The following POLN variants were observed in gnomAD, a reference collection of about 807,000 sequenced individuals.
The protein encoded by POLN is DNA polymerase nu, also known as DNA polymerase N.
In POLN, 108 loss-of-function variants were observed where a neutral mutation model predicts 113.5. The observed-to-expected ratio is 0.95, with a 90% CI of 0.81 to 1.12. The LOEUF (loss-of-function observed/expected upper bound fraction) is 1.12. Ranked by LOEUF, POLN falls within the 50% of genes most tolerant of loss-of-function variation. The pLI is 0.00. For synonymous variants in POLN, 386 were observed against 391.5 expected (o/e 0.99, Z 0.17); for missense variants, 1,097 against 1,077.1 (o/e 1.02, Z -0.26).
At position 2,208,372 on chromosome 4, in the gene POLN, C is replaced by T. The variant is rs1366539074; in HGVS notation, c.329G>A (p.Ser110Asn). The T allele has an allele frequency of 1.2e-6, 2 of 1,613,548 alleles. No homozygotes were observed. The highest frequency in any genetic ancestry group is 8.5e-7 in the Non-Finnish European group (1 of 1,179,930). Reference protein sequence around the residue: ...LSADQKQKSISSLTLSSCLIP... With the variant: ...LSADQKQKSINSLTLSSCLIP... ...TAAACAACTTGAAAGAGTCAATGAGCTGATGCTCTTCTGTTTTTGGTCAGC... is the reference window on the plus strand; with the variant it reads ...TAAACAACTTGAAAGAGTCAATGAGTTGATGCTCTTCTGTTTTTGGTCAGC... The change falls in exon 5 of 26, where the codon AGC becomes AAC. Residue 110 changes from serine to asparagine, a missense_variant. Coordinates refer to ENST00000511885, the MANE Select transcript of POLN (RefSeq NM_181808.4).
chr4:2,138,412 C>T (rs1221958156), intron 16 of POLN, among the ~76,000 whole-genome samples: 1 of 152,062 alleles, frequency 6.6e-6, no homozygotes, highest in Non-Finnish European at 1.5e-5. Flanking sequence ...GGGATGAGAG[C>T]AGGAAGGTGG....
At chr4:2,203,310 G>A (rs541123137) in intron 5 of POLN, among the ~76,000 whole-genome samples, 14 of 152,002 alleles carry the variant, frequency 9.2e-5, no homozygotes, top group Non-Finnish European at 1.5e-4. Flanking sequence ...GGCCGGGCGC[G>A]GTGGTTCACG....
chr4:2,174,974 C>T (rs571949299), intron 9 of POLN, among the ~76,000 whole-genome samples: 2 of 152,036 alleles, frequency 1.3e-5, no homozygotes, highest in Non-Finnish European at 2.9e-5. Context: ...AGGCACCCCC[C>T]ACCATGCCAG....
chr4:2,214,228 T>A (rs1180632082), intron 3 of POLN, among the ~76,000 whole-genome samples: 1 of 151,572 alleles, frequency 6.6e-6, no homozygotes, highest in Non-Finnish European at 1.5e-5. Context: ...AGGGCAAGAC[T>A]CTGTCCTGGG....
intron 13 of POLN, among the ~76,000 whole-genome samples, chr4:2,169,757 C>G (rs914397392): frequency 3.9e-5 from 6 of 152,252 alleles, no homozygotes; most frequent in African/African-American, 1.4e-4. Context: ...CTACTCTGTA[C>G]TGGCTCCCAA....
At chr4:2,145,513 T>C (rs150142478) in intron 16 of POLN, among the ~76,000 whole-genome samples, 25 of 152,314 alleles carry the variant, frequency 1.6e-4, no homozygotes, top group African/African-American at 2.2e-4. Context: ...AAGTGAGTCA[T>C]TGAAAAAATT....
At chr4:2,203,870 G>A (rs1317920931) in intron 5 of POLN, among the ~76,000 whole-genome samples, 1 of 152,072 alleles carries the variant, frequency 6.6e-6, no homozygotes, top group African/African-American at 2.4e-5. Context: ...AGCACTTTGG[G>A]CGGCAGAGGA....
chr4:2,084,862 T>C (rs1209713682), intron 21 of POLN, among the ~76,000 whole-genome samples: 1 of 152,242 alleles, frequency 6.6e-6, no homozygotes, highest in Non-Finnish European at 1.5e-5. Flanking sequence ...CTCTTTGTTG[T>C]TGATTTCATT....
chr4:2,136,988 C>T (rs1336273688), intron 16 of POLN, among the ~76,000 whole-genome samples: 2 of 152,122 alleles, frequency 1.3e-5, no homozygotes, highest in African/African-American at 4.8e-5. Flanking sequence ...CTGTGTGAGG[C>T]ACCTGAGAGG....
intron 13 of POLN, among the ~76,000 whole-genome samples, chr4:2,170,374 G>A (rs35146593): frequency 6.6e-6 from 1 of 152,264 alleles, no homozygotes; most frequent in East Asian, 1.9e-4. Flanking sequence ...TTCCTCTTGG[G>A]GACACGAAGC....
chr4:2,133,524 T>C (rs1399570881), intron 16 of POLN, among the ~76,000 whole-genome samples: 2 of 152,222 alleles, frequency 1.3e-5, no homozygotes, highest in Non-Finnish European at 2.9e-5. Context: ...GCAACATGGA[T>C]AAGCCTGGAG....
rs921937478 is a variant in POLN at position 2,137,963 on chromosome 4, C to T, written c.1732-6673G>A. 2.6e-5 allele frequency among the ~76,000 whole-genome samples: 4 copies of T among 152,200 alleles called. No individual in the cohort carries two copies. The South Asian group carries it at 6.2e-4, about 24-fold the overall frequency. ...AAATGATTCTCCTGCCTCAGCCTCC[C>T]GAGTAGCTGGGATTATAGGTGTACG... On this transcript the variant is annotated intron_variant, in intron 16 of 25. Coordinates refer to ENST00000511885, the MANE Select transcript of POLN (RefSeq NM_181808.4).
At chr4:2,094,367 A>AAAAAAAAAAAAAAC (rs1221763733) in intron 20 of POLN, among the ~76,000 whole-genome samples, 2 of 148,852 alleles carry the variant, frequency 1.3e-5, no homozygotes, top group Non-Finnish European at 3.0e-5. Flanking sequence ...TGTCTCCAAA[A>AAAAAAAAAAAAAAC]AAAAAAAAGA....
chr4:2,233,341 C>T (rs768746047), intron 2 of POLN, among the ~76,000 whole-genome samples: 18 of 152,036 alleles, frequency 1.2e-4, no homozygotes, highest in African/African-American at 3.6e-4. Context: ...AAAATTGATA[C>T]GGCATTTTAT....
rs772756967 is a variant in POLN, at chr4:2,208,043, C to T, written c.658G>A (p.Ala220Thr). The T allele has an allele frequency of 1.2e-6, 2 of 1,614,194 alleles. No individual in the cohort carries two copies. The highest frequency in any genetic ancestry group is 4.5e-5 in the East Asian group (2 of 44,878). ...GTATACATCACAGTTATCACCAGGG[C>T]TGCTGCCTGTTTGAGCATTTCAATC... ...QLIEMLKQAA[A>T]LVITVMYTDG... The change falls in exon 5 of 26, where the codon GCC becomes ACC. Residue 220 changes from alanine to threonine, a missense_variant. Ala to Thr is a moderately conservative substitution (Grantham distance 58). Transcript: ENST00000511885.
intron 8 of POLN, among the ~76,000 whole-genome samples, chr4:2,178,378 G>C (rs1285259396): frequency 6.6e-6 from 1 of 152,240 alleles, no homozygotes; most frequent in Non-Finnish European, 1.5e-5. Context: ...TTCCAGCAGT[G>C]ATTTTACCAT....
intron 19 of POLN, among the ~76,000 whole-genome samples, chr4:2,120,851 A>G (rs1217781202): frequency 6.6e-6 from 1 of 152,174 alleles, no homozygotes; most frequent in Non-Finnish European, 1.5e-5. Flanking sequence ...CTGCATGTCC[A>G]TTGTCAATTT....
At chr4:2,233,777 G>A (rs1308715287) in intron 2 of POLN, among the ~76,000 whole-genome samples, 2 of 152,170 alleles carry the variant, frequency 1.3e-5, no homozygotes, top group Non-Finnish European at 2.9e-5. Context: ...AAAACATTGT[G>A]TTGGTTTAAC....
rs3833631 is a variant in POLN at position 2,072,173 on chromosome 4, CA to C, written c.2643del (p.Ser883ProfsTer75). The C allele has an allele frequency of 2.7e-4, 437 of 1,611,566 alleles. 1 individual carries two copies. The East Asian group carries it at 6.0e-3, about 22-fold the overall frequency. On this transcript the variant is annotated frameshift_variant, in exon 26 of 26. Transcript: ENST00000511885. LOFTEE classifies it low-confidence loss of function (END_TRUNC). ...TESPSNSLAA[P>X]GSPASTQPPP... ...GGGGGCTGGGTGCTGGCAGGGGACC[CA>C]GGGGCAGCCAGGCTGTTGCTGGGAG...
Sources: allele counts gnomAD v4.1 joint callset (sites outside exome capture counted in the v4.1 genomes callset), GRCh38; gene constraint gnomAD v4.1.1; transcripts MANE v1.5; gene names NCBI Gene and HGNC (gene_info 2026-07-23, HGNC 2026-07-21).